The following SIPA1L2 variants were observed in gnomAD, a reference collection of about 807,000 sequenced individuals.
The protein encoded by SIPA1L2 is signal induced proliferation associated 1 like 2, also known as signal-induced proliferation-associated 1-like protein 2.
SIPA1L2 carries 56 observed loss-of-function variants against 163.9 expected under a neutral mutation model. That is an observed-to-expected ratio of 0.34 (90% CI 0.28 to 0.43). SIPA1L2 has a LOEUF of 0.43. Among genes scored for constraint, SIPA1L2 ranks in the 20% least tolerant of loss-of-function variants. The pLI, the probability that SIPA1L2 is intolerant of heterozygous loss-of-function variation, is 1.00. For missense variants in SIPA1L2, 1,974 were observed against 2,193.5 expected, an observed-to-expected ratio of 0.90 and a Z score of 2.00; for synonymous variants, 877 against 865.7, an observed-to-expected ratio of 1.01 and a Z score of -0.23.
At position 232,499,426 on chromosome 1, in the gene SIPA1L2, C is replaced by T. The variant is rs75375730; in HGVS notation, c.1484-5766G>A. Among the ~76,000 whole-genome samples, 5,508 of 152,240 alleles carry T rather than the reference C, an allele frequency of 0.036. 911 individuals carry two copies. The East Asian group carries it at 0.55, about 15-fold the overall frequency. On this transcript the variant is annotated intron_variant, in intron 3 of 22. Transcript: ENST00000674635. ...AAGTCAGAGTGGTCTGGATAGAAGACAAAAGCAGTTACAACACTCCCTTAA... is the reference window on the plus strand; with the variant it reads ...AAGTCAGAGTGGTCTGGATAGAAGATAAAAGCAGTTACAACACTCCCTTAA...
Position 232,608,047 on chromosome 1 carries a change from C to CAAAAAAAAAAAAAAAAAA in SIPA1L2, c.-319+21804_-319+21821dup, listed in dbSNP as rs56208215. Among the ~76,000 whole-genome samples the CAAAAAAAAAAAAAAAAAA allele has an allele frequency of 4.4e-4, 30 of 67,496 alleles. 1 individual carries two copies. The highest frequency in any genetic ancestry group is 1.1e-3 in the African/African-American group (17 of 14,800). The allele number at this position is 67,496 out of a possible 152,430, so 44.3% of individuals were successfully genotyped here. Reference sequence around the variant, plus strand: ...GGGCAACAAGAGCGAAACTCCATCTCAAAAAAAAAAAAAAAAAAAAAACGA... The same window carrying CAAAAAAAAAAAAAAAAAA: ...GGGCAACAAGAGCGAAACTCCATCTCAAAAAAAAAAAAAAAAAAAAAAAAAAAAAAAAAAAAAAAACGA... On this transcript the variant is annotated intron_variant, in intron 1 of 22. Transcript: ENST00000674635.
At chr1:232,572,957 T>C (rs1659881850) in intron 2 of SIPA1L2, among the ~76,000 whole-genome samples, 2 of 151,564 alleles carry the variant, frequency 1.3e-5, no homozygotes, top group African/African-American at 4.8e-5. Context: ...TTTTTTGTAT[T>C]TTTAGTAGAG....
intron 1 of SIPA1L2, among the ~76,000 whole-genome samples, chr1:232,623,063 G>C (rs950598825): frequency 6.6e-6 from 1 of 152,186 alleles, no homozygotes; most frequent in Non-Finnish European, 1.5e-5. Context: ...AGGATGGGTG[G>C]GGGTGGATGG....
chr1:232,411,980 C>CTG (rs1309421295), intron 19 of SIPA1L2, among the ~76,000 whole-genome samples: 1 of 152,190 alleles, frequency 6.6e-6, no homozygotes. Context: ...AGGGAGCTTA[C>CTG]TGAGTCCTTA....
intron 2 of SIPA1L2, among the ~76,000 whole-genome samples, chr1:232,522,904 G>A (rs1667523485): frequency 6.6e-6 from 1 of 152,156 alleles, no homozygotes; most frequent in South Asian, 2.1e-4. Context: ...CAAAGTATAG[G>A]ATGACTGCTC....
At chr1:232,586,886 T>C (rs759170514) in intron 1 of SIPA1L2, among the ~76,000 whole-genome samples, 1 of 152,228 alleles carries the variant, frequency 6.6e-6, no homozygotes, top group African/African-American at 2.4e-5. Flanking sequence ...AGAACACTGG[T>C]TGGCTTTTTA....
At chr1:232,620,815 G>A (rs1175651423) in intron 1 of SIPA1L2, among the ~76,000 whole-genome samples, 5 of 152,220 alleles carry the variant, frequency 3.3e-5, no homozygotes, top group Admixed American at 3.3e-4. Flanking sequence ...TCAAATTCTA[G>A]CTTCTCTATT....
chr1:232,603,258 AG>A, intron 1 of SIPA1L2, among the ~76,000 whole-genome samples: 1 of 152,332 alleles, frequency 6.6e-6, no homozygotes, highest in East Asian at 1.9e-4. Flanking sequence ...AGAAGATCCA[AG>A]GAAGACGACT....
chr1:232,547,853 A>G (rs1465968870), intron 2 of SIPA1L2, among the ~76,000 whole-genome samples: 2 of 152,178 alleles, frequency 1.3e-5, no homozygotes, highest in Non-Finnish European at 2.9e-5. Flanking sequence ...AATAATAAAC[A>G]TCTGGTAAAG....
chr1:232,483,672 G>T, intron 6 of SIPA1L2, 120 bp downstream of exon 6: 1 of 1,051,650 alleles, frequency 9.5e-7, no homozygotes. Flanking sequence ...TTCCAAATAA[G>T]CTTTCTAGGC....
intron 2 of SIPA1L2, among the ~76,000 whole-genome samples, chr1:232,523,599 T>C (rs1392797429): frequency 6.6e-6 from 1 of 152,178 alleles, no homozygotes; most frequent in Non-Finnish European, 1.5e-5. Context: ...AAATGAATGT[T>C]TAGTGACAGT....
chr1:232,403,883 C>T (rs4649367), intron 20 of SIPA1L2, among the ~76,000 whole-genome samples: 39,963 of 152,094 alleles, frequency 0.26, 5,767 homozygotes, highest in African/African-American at 0.35. Flanking sequence ...GCCAAAGCTG[C>T]TGGCTATGCA....
At chr1:232,584,455 G>A (rs1931599) in intron 1 of SIPA1L2, among the ~76,000 whole-genome samples, 76,446 of 152,098 alleles carry the variant, frequency 0.5, 20,062 homozygotes, top group East Asian at 0.75. Context: ...GATAGAGACC[G>A]TGTGATCTGC....
chr1:232,414,221 G>A lies in SIPA1L2; in HGVS notation c.4762+1273C>T, dbSNP rs149723583. Among the ~76,000 whole-genome samples, 889 of 152,308 alleles carry A rather than the reference G, an allele frequency of 5.8e-3. 5 individuals carry two copies. Among genetic ancestry groups the A allele is most frequent in the Middle Eastern group, 0.02 (6 of 294 alleles). On this transcript the variant is annotated intron_variant, in intron 19 of 22. Coordinates refer to ENST00000674635, the MANE Select transcript of SIPA1L2 (RefSeq NM_020808.5). ...GTGAGCGCACATTCATGTTGCAGAA[G>A]CTTCCTCCTAGCAAGCTGCCTTTCA...
At chr1:232,451,519 A>G (rs1364261602) in intron 10 of SIPA1L2, among the ~76,000 whole-genome samples, 1 of 152,180 alleles carries the variant, frequency 6.6e-6, no homozygotes, top group African/African-American at 2.4e-5. Flanking sequence ...CCTAGCACAA[A>G]AAGACATTTC....
chr1:232,595,235 C>T (rs1661192571), intron 1 of SIPA1L2, among the ~76,000 whole-genome samples: 1 of 152,150 alleles, frequency 6.6e-6, no homozygotes, highest in Admixed American at 6.5e-5. Flanking sequence ...CTCTCTCATG[C>T]ATACAAAGAA....
chr1:232,588,874 AT>A (rs1178070045), intron 1 of SIPA1L2, among the ~76,000 whole-genome samples: 1 of 152,228 alleles, frequency 6.6e-6, no homozygotes, highest in Non-Finnish European at 1.5e-5. Context: ...CGAAAGTATT[AT>A]TTATGTTAAC....
chr1:232,463,973 G>C lies in SIPA1L2; in HGVS notation c.2820+867C>G, dbSNP rs77795985. ...AAAAGGGAGGAAATATTTTTGGTGGGAGGAAAGGGGGCAAGAAATGGATAT... is the reference window on the plus strand; with the variant it reads ...AAAAGGGAGGAAATATTTTTGGTGGCAGGAAAGGGGGCAAGAAATGGATAT... On this transcript the variant is annotated intron_variant, in intron 9 of 22. Coordinates refer to ENST00000674635, the MANE Select transcript of SIPA1L2 (RefSeq NM_020808.5). Among the ~76,000 whole-genome samples the C allele has an allele frequency of 7.2e-3, 1,089 of 152,112 alleles. 14 individuals carry two copies. The highest frequency in any genetic ancestry group is 0.025 in the African/African-American group (1,027 of 41,496).
chr1:232,460,724 G>C (rs551310474), intron 10 of SIPA1L2, among the ~76,000 whole-genome samples, 163 bp downstream of exon 10: 1 of 152,196 alleles, frequency 6.6e-6, no homozygotes, highest in African/African-American at 2.4e-5. Flanking sequence ...TTCCTCGAAC[G>C]AGTGACATCC....
Sources: allele counts gnomAD v4.1 joint callset (sites outside exome capture counted in the v4.1 genomes callset), GRCh38; gene constraint gnomAD v4.1.1; transcripts MANE v1.5; gene names NCBI Gene and HGNC (gene_info 2026-07-23, HGNC 2026-07-21).